The following GRIK2 variants were observed in gnomAD, a reference collection of about 807,000 sequenced individuals.
GRIK2 encodes glutamate ionotropic receptor kainate type subunit 2.
In GRIK2, 32 loss-of-function variants were observed where a neutral mutation model predicts 100.3. That is an observed-to-expected ratio of 0.32 (90% confidence interval 0.24 to 0.43). GRIK2 has a LOEUF of 0.43. Among genes scored for constraint, GRIK2 ranks in the 20% least tolerant of loss-of-function variants. The probability of loss-of-function intolerance (pLI) is 1.00; values close to 1 mark genes in which losing one functional copy is unlikely to be tolerated. For missense variants in GRIK2, 843 were observed against 1,114.9 expected (o/e 0.76, Z 3.47); for synonymous variants, 417 against 389.4 (o/e 1.07, Z -0.83).
intron 10 of GRIK2, among the ~76,000 whole-genome samples, chr6:101,839,568 G>T (rs1314106433): frequency 2.6e-5 from 4 of 152,112 alleles, no homozygotes; most frequent in Non-Finnish European, 5.9e-5. Context: ...TGAACAGTAT[G>T]ATCAAGTTGG....
intron 7 of GRIK2, among the ~76,000 whole-genome samples, chr6:101,693,584 G>T (rs1249045089): frequency 6.6e-6 from 1 of 152,038 alleles, no homozygotes; most frequent in Non-Finnish European, 1.5e-5. Flanking sequence ...AGCTCAAGGG[G>T]TGGTTAGAAC....
intron 12 of GRIK2, among the ~76,000 whole-genome samples, chr6:101,913,048 A>G (rs1469096632): frequency 6.6e-6 from 1 of 151,608 alleles, no homozygotes; most frequent in African/African-American, 2.4e-5. Flanking sequence ...GATTGATTCC[A>G]TCAGTAGTTT....
intron 7 of GRIK2, among the ~76,000 whole-genome samples, chr6:101,777,477 A>AT (rs1778819229): frequency 6.6e-6 from 1 of 152,180 alleles, no homozygotes; most frequent in South Asian, 2.1e-4. Context: ...AAGAACTAAC[A>AT]TTTGTATTTT....
At chr6:102,036,610 G>T (rs1409879210) in intron 15 of GRIK2, among the ~76,000 whole-genome samples, 1 of 151,112 alleles carries the variant, frequency 6.6e-6, no homozygotes, top group Non-Finnish European at 1.5e-5. Flanking sequence ...AGAAAGAAGA[G>T]AGAGGAGAGA....
intron 11 of GRIK2, among the ~76,000 whole-genome samples, chr6:101,879,474 G>A (rs1226573689): frequency 2.6e-5 from 4 of 151,824 alleles, no homozygotes; most frequent in African/African-American, 9.7e-5. Flanking sequence ...CAATTTCATA[G>A]TTTTATTTGA....
At chr6:101,687,486 T>C (rs1429691627) in intron 7 of GRIK2, among the ~76,000 whole-genome samples, 2 of 151,950 alleles carry the variant, frequency 1.3e-5, no homozygotes, top group African/African-American at 4.8e-5. Flanking sequence ...CTATTATGCT[T>C]GTAATTTTTC....
At chr6:101,760,473 A>G (rs1777467328) in intron 7 of GRIK2, among the ~76,000 whole-genome samples, 1 of 29,574 alleles carries the variant, frequency 3.4e-5, no homozygotes, top group Non-Finnish European at 5.4e-5. Flanking sequence ...ATTTAATTAT[A>G]TATTTATTAT....
At chr6:101,892,142 T>A (rs1787146094) in intron 12 of GRIK2, among the ~76,000 whole-genome samples, 1 of 152,086 alleles carries the variant, frequency 6.6e-6, no homozygotes, top group African/African-American at 2.4e-5. Context: ...AACTTCGAGG[T>A]AACTGTGTGG....
intron 14 of GRIK2, among the ~76,000 whole-genome samples, chr6:101,976,486 C>A (rs2128487751): frequency 6.6e-6 from 1 of 151,944 alleles, no homozygotes; most frequent in Non-Finnish European, 1.5e-5. Flanking sequence ...CACTTGAACC[C>A]AGCAGTTCGA....
intron 2 of GRIK2, among the ~76,000 whole-genome samples, chr6:101,422,136 G>A (rs1041867575): frequency 2.0e-5 from 3 of 152,256 alleles, no homozygotes; most frequent in African/African-American, 2.4e-5. Context: ...CAAGCCAAAT[G>A]CATATCATGC....
At chr6:101,837,352 T>C (rs539317651) in intron 10 of GRIK2, among the ~76,000 whole-genome samples, 176 of 152,284 alleles carry the variant, frequency 1.2e-3, no homozygotes, top group African/African-American at 4.1e-3. Flanking sequence ...AATGATAGTA[T>C]ATTGCAAATT....
chr6:101,974,740 T>C (rs1793264270), intron 14 of GRIK2, among the ~76,000 whole-genome samples: 2 of 151,938 alleles, frequency 1.3e-5, no homozygotes, highest in South Asian at 4.1e-4. Context: ...ACATACAAAA[T>C]AGCTTCAAGC....
At chr6:101,640,850 T>C (rs1781247794) in intron 4 of GRIK2, among the ~76,000 whole-genome samples, 1 of 152,138 alleles carries the variant, frequency 6.6e-6, no homozygotes, top group African/African-American at 2.4e-5. Context: ...ATTTTCATAT[T>C]TTGAAACAAA....
intron 14 of GRIK2, among the ~76,000 whole-genome samples, chr6:101,963,644 G>A (rs142828340): frequency 8.0e-5 from 12 of 150,938 alleles, no homozygotes; most frequent in South Asian, 2.1e-4. Context: ...GAGCCACCGC[G>A]CCCGGCCACT....
chr6:101,694,007 C>T (rs1323020569), intron 7 of GRIK2, among the ~76,000 whole-genome samples: 1 of 152,054 alleles, frequency 6.6e-6, no homozygotes, highest in East Asian at 1.9e-4. Flanking sequence ...CCCTCAAGGA[C>T]AGTCAATGTC....
At chr6:101,591,106 T>A (rs72961139) in intron 2 of GRIK2, among the ~76,000 whole-genome samples, 14,081 of 152,108 alleles carry the variant, frequency 0.093, 747 homozygotes, top group Admixed American at 0.15. Flanking sequence ...CATTTTTAAA[T>A]TAATGTATTT....
At position 101,692,039 on chromosome 6, in the gene GRIK2, C is replaced by CA. The variant is rs60210939; in HGVS notation, c.951+5714dup. On this transcript the variant is annotated intron_variant, in intron 7 of 16. Coordinates refer to ENST00000369134, the MANE Select transcript of GRIK2 (RefSeq NM_021956.5). ...TAAACTCCAACGTAACACCCCGTCTCAAAAAAAAAAAAAAAAAAAAAAAAA... is the reference window on the plus strand; with the variant it reads ...TAAACTCCAACGTAACACCCCGTCTCAAAAAAAAAAAAAAAAAAAAAAAAAA... Among the ~76,000 whole-genome samples, 196 of 78,366 alleles carry CA rather than the reference C, an allele frequency of 2.5e-3. 6 individuals carry two copies. Among genetic ancestry groups the CA allele is most frequent in the African/African-American group, 6.2e-3 (127 of 20,590 alleles). 51.4% of individuals were successfully genotyped at this position (78,366 alleles called of 152,430 possible). A position where few individuals can be genotyped will look rare whatever the true frequency, so the allele number is the denominator to read the frequency against.
Position 101,860,210 on chromosome 6 carries a change from A to G in GRIK2, c.1524+717A>G, listed in dbSNP as rs1204692634. On this transcript the variant is annotated intron_variant, in intron 11 of 16. Transcript: ENST00000369134. Reference sequence around the variant, plus strand: ...TCTTAACTTTTAAAAAGTATAATTTATAAATTTAGAAGAGGAGACTTTGTT... The same window carrying G: ...TCTTAACTTTTAAAAAGTATAATTTGTAAATTTAGAAGAGGAGACTTTGTT... Among the ~76,000 whole-genome samples the G allele has an allele frequency of 2.0e-5, 3 of 152,096 alleles. No individual in the cohort carries two copies. The East Asian group carries it at 5.8e-4, about 29-fold the overall frequency.
rs549505503 is a variant in GRIK2 at position 101,419,519 on chromosome 6, G to A, written c.115+20127G>A. ...ATGTGAGGGTGGATTTAGAGGGACG[G>A]AGCAATAGTGTGGCTGAAACTGAGA... is the stretch of plus-strand genomic sequence containing the variant. On this transcript the variant is annotated intron_variant, in intron 2 of 16. Coordinates refer to ENST00000369134, the MANE Select transcript of GRIK2 (RefSeq NM_021956.5). Among the ~76,000 whole-genome samples, 83 of 152,258 alleles carry A rather than the reference G, an allele frequency of 5.5e-4. 1 individual carries two copies. The highest frequency in any genetic ancestry group is 1.9e-3 in the African/African-American group (77 of 41,568).
Sources: gnomAD v4.1 joint callset for allele counts (sites outside exome capture counted in the v4.1 genomes callset) on GRCh38, gnomAD v4.1.1 for gene constraint, MANE v1.5 for transcripts, NCBI Gene and HGNC (gene_info 2026-07-23, HGNC 2026-07-21) for gene names.